Variants in TRIO observed in about 807,000 individuals in gnomAD.
TRIO encodes triple functional domain protein.
TRIO carries 58 observed loss-of-function variants against 351.9 expected under a neutral mutation model. That is an observed-to-expected ratio of 0.16 (90% CI 0.13 to 0.21). The LOEUF (loss-of-function observed/expected upper bound fraction) is 0.21, where lower values mean the gene tolerates loss of function less well. Among genes scored for constraint, TRIO ranks in the 10% least tolerant of loss-of-function variants. The pLI is 1.00. For synonymous variants in TRIO, 1,758 were observed against 1,595.7 expected, an observed-to-expected ratio of 1.10 and a Z score of -2.42; for missense variants, 3,201 against 4,027.8, an observed-to-expected ratio of 0.79 and a Z score of 5.56.
chr5:14,176,921 A>G (rs891028343), intron 1 of TRIO, among the ~76,000 whole-genome samples: 1 of 152,260 alleles, frequency 6.6e-6, no homozygotes, highest in Non-Finnish European at 1.5e-5. Context: ...TTTTATGCAC[A>G]TATTACAGGG....
chr5:14,453,022 C>T (rs375974084), intron 34 of TRIO, among the ~76,000 whole-genome samples: 59 of 152,232 alleles, frequency 3.9e-4, no homozygotes, highest in African/African-American at 1.3e-3. Flanking sequence ...CTCTCTCCTG[C>T]GTGGGGCTGA....
chr5:14,243,191 G>A (rs1276807669), intron 1 of TRIO, among the ~76,000 whole-genome samples: 2 of 151,986 alleles, frequency 1.3e-5, no homozygotes, highest in Admixed American at 6.6e-5. Flanking sequence ...TCCCCTCTCC[G>A]GCTCCTGGGA....
At chr5:14,498,317 G>C in intron 52 of TRIO, 66 bp downstream of exon 52, 2 of 1,584,042 alleles carry the variant, frequency 1.3e-6, no homozygotes, top group Admixed American at 1.8e-5. Flanking sequence ...TTGGCAACTG[G>C]AAATTCCTCC....
At chr5:14,354,496 T>C (rs1743433790) in intron 11 of TRIO, among the ~76,000 whole-genome samples, 1 of 152,222 alleles carries the variant, frequency 6.6e-6, no homozygotes, top group Non-Finnish European at 1.5e-5. Context: ...GACGCCCTCC[T>C]GCTGCGCTGC....
intron 11 of TRIO, among the ~76,000 whole-genome samples, chr5:14,351,487 A>G (rs925914499): frequency 2.0e-4 from 31 of 152,160 alleles, no homozygotes; most frequent in African/African-American, 7.5e-4. Context: ...CATTCCCACA[A>G]GTACCCAGAT....
chr5:14,374,976 A>G (rs2152348536), intron 19 of TRIO, among the ~76,000 whole-genome samples: 1 of 152,310 alleles, frequency 6.6e-6, no homozygotes, highest in East Asian at 1.9e-4. Flanking sequence ...CCAGGGATAC[A>G]CAGCCTAAGT....
intron 15 of TRIO, among the ~76,000 whole-genome samples, chr5:14,365,570 T>C (rs1047267833): frequency 4.6e-5 from 7 of 152,172 alleles, no homozygotes; most frequent in African/African-American, 1.4e-4. Context: ...TTTTTACATA[T>C]AAATAAGTGT....
chr5:14,309,050 T>C (rs896109505), intron 8 of TRIO, among the ~76,000 whole-genome samples: 17 of 151,454 alleles, frequency 1.1e-4, no homozygotes, highest in African/African-American at 4.1e-4. Flanking sequence ...CTCATTCATT[T>C]ATCTATCTAC....
At chr5:14,384,282 G>A (rs975616806) in intron 21 of TRIO, among the ~76,000 whole-genome samples, 3 of 152,142 alleles carry the variant, frequency 2.0e-5, no homozygotes, top group Non-Finnish European at 4.4e-5. Flanking sequence ...ACCAGCGTCC[G>A]CAATGCCAAA....
intron 36 of TRIO, among the ~76,000 whole-genome samples, chr5:14,463,583 G>C (rs535390463): frequency 2.0e-5 from 3 of 151,990 alleles, no homozygotes; most frequent in Non-Finnish European, 4.4e-5. Context: ...ATAGCAGAAA[G>C]GAAACCTGCT....
At position 14,487,511 on chromosome 5, in the gene TRIO, G is replaced by A. The variant is rs768043316; in HGVS notation, c.6883G>A (p.Gly2295Ser). 1.9e-6 allele frequency: 2 copies of A among 1,078,408 alleles called. No homozygotes were observed. Among genetic ancestry groups the A allele is most frequent in the Non-Finnish European group, 2.3e-6 (2 of 876,422 alleles). The allele number at this position is 1,078,408 out of a possible 1,614,324, so 66.8% of individuals were successfully genotyped here. A position where few individuals can be genotyped will look rare whatever the true frequency, so the allele number is the denominator to read the frequency against. ...CCAGAGGAACCACAGCGGGGGCGGC[G>A]GCGGCGGCGGCAGCGGGGGCAGCGG... ...EYQRNHSGGGGGGGSGGSGGG... is the reference protein window; with the variant it reads ...EYQRNHSGGGSGGGSGGSGGG... Residue 2295 changes from glycine (G) to serine (S), a missense_variant, in exon 48 of 57, where the codon GGC (glycine) becomes AGC (serine). Around this residue, in one of 19 missense-constraint regions of TRIO, gnomAD observed 1,089 missense variants for 954.9 expected, o/e 1.14. Transcript: ENST00000344204.
rs777707114 is a variant in TRIO, at chr5:14,507,906, T to A, written c.8778T>A (p.Ser2926Arg). The A allele has an allele frequency of 1.3e-4, 205 of 1,613,708 alleles. No individual in the cohort carries two copies. The highest frequency in any genetic ancestry group is 1.7e-4 in the Non-Finnish European group (199 of 1,179,918). The change falls in exon 57 of 57, where the codon AGT becomes AGA. Residue 2926 changes from serine to arginine, a missense_variant. Transcript: ENST00000344204. ...CTGAGAATATCCTGGTGGATGAGAG[T>A]TTAGCCAAGCCAACCATCAAACTGG... is the stretch of plus-strand genomic sequence containing the variant. ...LKPENILVDE[S>R]LAKPTIKLAD...
At chr5:14,424,700 G>T (rs1357216607) in intron 34 of TRIO, among the ~76,000 whole-genome samples, 1 of 152,198 alleles carries the variant, frequency 6.6e-6, no homozygotes, top group African/African-American at 2.4e-5. Flanking sequence ...AGAAGACGCA[G>T]GGACTGTCTT....
chr5:14,504,376 C>A lies in TRIO; in HGVS notation c.8412-17C>A, dbSNP rs764909548. ...CTCAGCAGCCTCTGCAAATGGTCCC[C>A]CTGACATATTTTACAGGGGCAGATT... On this transcript the variant is annotated splice_polypyrimidine_tract_variant and intron_variant, in intron 54 of 56. Coordinates refer to ENST00000344204, the MANE Select transcript of TRIO (RefSeq NM_007118.4). 6.2e-7 allele frequency: 1 copy of A among 1,613,808 alleles called. No individual in the cohort carries two copies. Among genetic ancestry groups the A allele is most frequent in the Non-Finnish European group, 8.5e-7 (1 of 1,179,954 alleles).
intron 33 of TRIO, among the ~76,000 whole-genome samples, chr5:14,417,882 C>T (rs765476899): frequency 6.6e-6 from 1 of 152,248 alleles, no homozygotes; most frequent in Non-Finnish European, 1.5e-5. Flanking sequence ...CAGTGCGAGG[C>T]AGGCTGAGGA....
chr5:14,503,671 G>T (rs908253406), intron 54 of TRIO, among the ~76,000 whole-genome samples: 1 of 152,232 alleles, frequency 6.6e-6, no homozygotes, highest in African/African-American at 2.4e-5. Flanking sequence ...CACATCCTGT[G>T]GGCCAGAGCC....
chr5:14,405,103 A>AG (rs1213692518), intron 31 of TRIO, among the ~76,000 whole-genome samples: 6 of 151,274 alleles, frequency 4.0e-5, no homozygotes, highest in Non-Finnish European at 8.8e-5. Context: ...AAAAAAAAAA[A>AG]GTCTGGATCA....
chr5:14,426,631 A>G (rs1750661760), intron 34 of TRIO, among the ~76,000 whole-genome samples: 1 of 152,214 alleles, frequency 6.6e-6, no homozygotes, highest in Non-Finnish European at 1.5e-5. Flanking sequence ...ACTGCAGACA[A>G]CACAGGTGTT....
intron 1 of TRIO, among the ~76,000 whole-genome samples, chr5:14,262,695 G>A (rs765245199): frequency 2.6e-4 from 40 of 152,088 alleles, no homozygotes; most frequent in Non-Finnish European, 5.6e-4. Flanking sequence ...CATGGAGGTA[G>A]GGGATGGGAG....
Sources: gnomAD v4.1 joint callset for allele counts (sites outside exome capture counted in the v4.1 genomes callset) on GRCh38, gnomAD v4.1.1 for gene constraint, gnomAD v4.1.1 regional missense constraint, MANE v1.5 for transcripts, NCBI Gene and HGNC (gene_info 2026-07-23, HGNC 2026-07-21) for gene names.